Variants in WNT3A observed in about 807,000 individuals in gnomAD.
The protein encoded by WNT3A is protein Wnt-3a.
In WNT3A, 17 loss-of-function variants were observed where a neutral mutation model predicts 37.0. The observed-to-expected ratio is 0.46, with a 90% CI of 0.31 to 0.69. WNT3A has a LOEUF of 0.69. Ranked by LOEUF, WNT3A falls within the 30% of genes least tolerant of loss-of-function variation. The pLI is 0.05. For synonymous variants in WNT3A, 187 were observed against 211.0 expected, an observed-to-expected ratio of 0.89 and a Z score of 0.99; for missense variants, 411 against 510.2, an observed-to-expected ratio of 0.81 and a Z score of 1.87.
rs375339690 is a variant in WNT3A at position 228,059,439 on chromosome 1, G to T, written c.1033G>T (p.Val345Phe). The T allele has an allele frequency of 4.8e-5, 74 of 1,528,788 alleles. No homozygotes were observed. The highest frequency in any genetic ancestry group is 7.8e-5 in the Admixed American group (4 of 51,012). The allele number at this position is 1,528,788 out of a possible 1,614,324, so 94.7% of individuals were successfully genotyped here. The change falls in exon 4 of 4, where the codon GTC becomes TTC. Residue 345 changes from valine (V) to phenylalanine (F), a missense_variant. Val to Phe is a conservative substitution (Grantham distance 50). Coordinates refer to ENST00000284523, the MANE Select transcript of WNT3A (RefSeq NM_033131.4). ...CGTCAGCTGCCAGGAGTGCACGCGC[G>T]TCTACGACGTGCACACCTGCAAGTA... ...CYVSCQECTR[V>F]YDVHTCK
Position 228,059,496 on chromosome 1 carries a change from G to T in WNT3A, c.*31G>T. 1 of 1,479,072 alleles carries T rather than the reference G, an allele frequency of 6.8e-7. No individual in the cohort carries two copies. The highest frequency in any genetic ancestry group is 2.4e-5 in the East Asian group (1 of 42,228). 91.6% of individuals were successfully genotyped at this position (1,479,072 alleles called of 1,614,324 possible). A position where few individuals can be genotyped will look rare whatever the true frequency, so the allele number is the denominator to read the frequency against. On this transcript the variant is annotated 3_prime_UTR_variant, in exon 4 of 4. Coordinates refer to ENST00000284523, the MANE Select transcript of WNT3A (RefSeq NM_033131.4). ...GGCCGCGGCTCCCCCTGGACGGGGCGGGCCCTGCCTGAGGGTGGGCTTTTC... is the reference window on the plus strand; with the variant it reads ...GGCCGCGGCTCCCCCTGGACGGGGCTGGCCCTGCCTGAGGGTGGGCTTTTC...
In WNT3A at chr1:228,008,115, G is replaced by A. The variant is rs1175930813; in HGVS notation, c.71+916G>A. Among the ~76,000 whole-genome samples, 1 of 152,164 alleles carries A rather than the reference G, an allele frequency of 6.6e-6. No individual in the cohort carries two copies. Among genetic ancestry groups the A allele is most frequent in the Non-Finnish European group, 1.5e-5 (1 of 68,032 alleles). On this transcript the variant is annotated intron_variant, in intron 1 of 3. Coordinates refer to ENST00000284523, the MANE Select transcript of WNT3A (RefSeq NM_033131.4). This position sits in a 1 kb window ranked among gnomAD's most constrained non-coding sequence, Gnocchi z 4.9. ...TTTCGCCAGGGCTTGTGATCCCTCAGAGCCCTCACCAAGCAAGGATCACCC... is the reference window on the plus strand; with the variant it reads ...TTTCGCCAGGGCTTGTGATCCCTCAAAGCCCTCACCAAGCAAGGATCACCC...
In WNT3A at chr1:228,039,093, G is replaced by T. The variant is rs914823303; in HGVS notation, c.314-11563G>T. Among the ~76,000 whole-genome samples the T allele has an allele frequency of 2.0e-5, 3 of 152,188 alleles. No homozygotes were observed. The highest frequency in any genetic ancestry group is 2.9e-5 in the Non-Finnish European group (2 of 68,018). On this transcript the variant is annotated intron_variant, in intron 2 of 3. Transcript: ENST00000284523. This position sits in a 1 kb window ranked among gnomAD's most constrained non-coding sequence, Gnocchi z 4.1. Reference sequence around the variant, plus strand: ...CAGTGCATCCCTGCCAGAGCTGGGGGTGTCCAGCCAGACAGTCAGCATTGC... The same window carrying T: ...CAGTGCATCCCTGCCAGAGCTGGGGTTGTCCAGCCAGACAGTCAGCATTGC...
chr1:228,009,810 T>C (rs1275259222), intron 1 of WNT3A, among the ~76,000 whole-genome samples: 4 of 151,478 alleles, frequency 2.6e-5, no homozygotes, highest in Admixed American at 1.3e-4. Context: ...CCTGTGAGAG[T>C]GTGAAGGGCC....
intron 2 of WNT3A, among the ~76,000 whole-genome samples, chr1:228,040,074 G>A (rs2031240313): frequency 6.6e-6 from 1 of 152,154 alleles, no homozygotes; most frequent in Non-Finnish European, 1.5e-5. Context: ...ATGCAGTGGG[G>A]GCCCAGCCAG....
At chr1:228,017,894 G>A (rs2030577991) in intron 1 of WNT3A, among the ~76,000 whole-genome samples, 1 of 152,156 alleles carries the variant, frequency 6.6e-6, no homozygotes, top group Admixed American at 6.5e-5. Flanking sequence ...GGAAATGCCA[G>A]CATGAGCAGG....
At chr1:228,054,392 A>C (rs1005894994) in intron 3 of WNT3A, among the ~76,000 whole-genome samples, 8 of 152,070 alleles carry the variant, frequency 5.3e-5, no homozygotes, top group Non-Finnish European at 1.2e-4. Context: ...TGGGAGGCCG[A>C]GGTGGGCGGA....
rs2030280094 is a variant in WNT3A at position 228,008,742 on chromosome 1, G to C, written c.71+1543G>C. On this transcript the variant is annotated intron_variant, in intron 1 of 3. Coordinates refer to ENST00000284523, the MANE Select transcript of WNT3A (RefSeq NM_033131.4). The surrounding 1 kb of genome is among the most constrained non-coding windows in gnomAD (Gnocchi z 4.9). ...AATTAGAACCCGCCGCCGCGTTCCT[G>C]AGCGCAAAAGGAAGCTCCTTCGCCC... Among the ~76,000 whole-genome samples, 1 of 152,176 alleles carries C rather than the reference G, an allele frequency of 6.6e-6. No homozygotes were observed. The highest frequency in any genetic ancestry group is 1.5e-5 in the Non-Finnish European group (1 of 68,024).
rs2031223789 is a variant in WNT3A, at chr1:228,039,519, C to T, written c.314-11137C>T. On this transcript the variant is annotated intron_variant, in intron 2 of 3. Coordinates refer to ENST00000284523, the MANE Select transcript of WNT3A (RefSeq NM_033131.4). The surrounding 1 kb of genome is among the most constrained non-coding windows in gnomAD (Gnocchi z 4.1). The stretch of plus-strand genomic sequence containing the variant: ...CCTGTTCAGGGTCTTGTCCAGGGTC[C>T]CATAGAGCCCTTACAAAGTCATGGC... Among the ~76,000 whole-genome samples the T allele has an allele frequency of 6.6e-6, 1 of 152,186 alleles. No homozygotes were observed. The highest frequency in any genetic ancestry group is 1.5e-5 in the Non-Finnish European group (1 of 68,012).
intron 2 of WNT3A, among the ~76,000 whole-genome samples, chr1:228,030,132 C>T (rs563505684): frequency 7.2e-5 from 11 of 151,958 alleles, no homozygotes; most frequent in South Asian, 4.2e-4. Flanking sequence ...TGGTGGCTCA[C>T]GCCTGAAATC....
At chr1:228,029,745 C>G (rs547732059) in intron 2 of WNT3A, among the ~76,000 whole-genome samples, 247 of 151,270 alleles carry the variant, frequency 1.6e-3, no homozygotes, top group African/African-American at 5.6e-3. Flanking sequence ...TGCCCACCCC[C>G]CCCCCAATTC....
At position 228,042,989 on chromosome 1, in the gene WNT3A, G is replaced by A. The variant is rs1295304181; in HGVS notation, c.314-7667G>A. On this transcript the variant is annotated intron_variant, in intron 2 of 3. Coordinates refer to ENST00000284523, the MANE Select transcript of WNT3A (RefSeq NM_033131.4). The surrounding 1 kb of genome is among the most constrained non-coding windows in gnomAD (Gnocchi z 5.2). ...AGTGGATACATGGTAGGTGGTGGTA[G>A]AGGATGTATGATAGGTAATGGATAG... Among the ~76,000 whole-genome samples the A allele has an allele frequency of 6.6e-6, 1 of 150,936 alleles. No individual in the cohort carries two copies. Among genetic ancestry groups the A allele is most frequent in the Non-Finnish European group, 1.5e-5 (1 of 67,822 alleles).
At chr1:228,021,759 C>T (rs1003371963) in intron 1 of WNT3A, among the ~76,000 whole-genome samples, 3 of 152,190 alleles carry the variant, frequency 2.0e-5, no homozygotes, top group African/African-American at 7.2e-5. Flanking sequence ...CGCTGGGTCA[C>T]GCCTACATCC....
intron 2 of WNT3A, among the ~76,000 whole-genome samples, chr1:228,047,055 C>G (rs992866531): frequency 6.6e-6 from 1 of 152,152 alleles, no homozygotes; most frequent in African/African-American, 2.4e-5. Flanking sequence ...CCAGGGCCAC[C>G]TGGGAAGGCC....
In WNT3A at chr1:228,059,806, C is replaced by T; in HGVS notation, c.*341C>T. 9.0e-7 allele frequency: 1 copy of T among 1,116,888 alleles called. No homozygotes were observed. Among genetic ancestry groups the T allele is most frequent in the African/African-American group, 1.6e-5 (1 of 60,698 alleles). The allele number at this position is 1,116,888 out of a possible 1,614,324, so 69.2% of individuals were successfully genotyped here. ...GCTTCTCTTGGGTGGGACAGGGCTT[C>T]TCCTGCGGGGGCGAGGCCCCTCCCA... On this transcript the variant is annotated 3_prime_UTR_variant, in exon 4 of 4. Coordinates refer to ENST00000284523, the MANE Select transcript of WNT3A (RefSeq NM_033131.4).
intron 2 of WNT3A, among the ~76,000 whole-genome samples, chr1:228,040,698 A>G (rs2031257550): frequency 6.6e-6 from 1 of 151,980 alleles, no homozygotes; most frequent in African/African-American, 2.4e-5. Context: ...CCTGGCTAAC[A>G]CGGTGAAACC....
rs2031767716 is a variant in WNT3A at position 228,060,034 on chromosome 1, C to A, written c.*569C>A. 8.4e-7 allele frequency: 1 copy of A among 1,189,354 alleles called. No individual in the cohort carries two copies. Among genetic ancestry groups the A allele is most frequent in the Non-Finnish European group, 1.1e-6 (1 of 941,376 alleles). 73.7% of individuals were successfully genotyped at this position (1,189,354 alleles called of 1,614,324 possible). On this transcript the variant is annotated 3_prime_UTR_variant, in exon 4 of 4. Coordinates refer to ENST00000284523, the MANE Select transcript of WNT3A (RefSeq NM_033131.4). ...GGGGCAGAGCTTCTCCTGACCAGGG[C>A]AAGGCCCCTTCCACGGGGGCTGTGG...
intron 1 of WNT3A, among the ~76,000 whole-genome samples, chr1:228,009,309 C>A (rs2102758980): frequency 6.6e-6 from 1 of 152,272 alleles, no homozygotes; most frequent in East Asian, 1.9e-4. Context: ...AGCACCCCGG[C>A]AGCATAGGGA....
chr1:228,045,792 A>G (rs996886936), intron 2 of WNT3A, among the ~76,000 whole-genome samples: 5 of 152,160 alleles, frequency 3.3e-5, no homozygotes, highest in Non-Finnish European at 7.4e-5. Flanking sequence ...TGGGTGCCTT[A>G]GAGGGGCAAG....
Sources: allele counts gnomAD v4.1 joint callset (sites outside exome capture counted in the v4.1 genomes callset), GRCh38; gene constraint gnomAD v4.1.1; non-coding constraint Gnocchi (gnomAD v3.1); transcripts MANE v1.5; gene names NCBI Gene and HGNC (gene_info 2026-07-23, HGNC 2026-07-21).